The following MEI4 variants were observed in gnomAD, a reference collection of about 807,000 sequenced individuals.
The protein encoded by MEI4 is meiosis-specific protein MEI4.
A neutral mutation model predicts 31.4 loss-of-function variants in MEI4; 27 were observed. That is an observed-to-expected ratio of 0.86 (90% CI 0.63 to 1.19). MEI4 has a LOEUF of 1.19. Ranked by LOEUF, MEI4 falls within the 50% of genes most tolerant of loss-of-function variation. The pLI, the probability that MEI4 is intolerant of heterozygous loss-of-function variation, is 0.00. For missense variants in MEI4, 329 were observed against 398.9 expected, an observed-to-expected ratio of 0.82 and a Z score of 1.49; for synonymous variants, 122 against 145.4, an observed-to-expected ratio of 0.84 and a Z score of 1.16.
intron 2 of MEI4, among the ~76,000 whole-genome samples, chr6:77,748,447 A>G (rs1030236808): frequency 6.6e-6 from 1 of 152,166 alleles, no homozygotes; most frequent in Non-Finnish European, 1.5e-5. Flanking sequence ...GGCCCCTTTC[A>G]GCTACAACTG....
chr6:77,699,191 T>TTC (rs1349738726), intron 2 of MEI4, among the ~76,000 whole-genome samples: 3 of 140,016 alleles, frequency 2.1e-5, no homozygotes, highest in African/African-American at 5.4e-5. Flanking sequence ...CAAAGTTTCT[T>TTC]TTTTTTTTTT....
rs543324583 is a variant in MEI4, at chr6:77,761,569, C to T, written c.672C>T (p.Asn224=). ...GTLASLISDY[N]LSSHILKKCS... ...TAGCTAGTCTGATCAGTGACTATAA[C>T]TTATCTAGTCATATTCTTAAAAAGT... Residue 224 remains asparagine, a synonymous_variant, in exon 3 of 5, where the codon AAC becomes AAT. Coordinates refer to ENST00000684080, the MANE Select transcript of MEI4 (RefSeq NM_001322247.2). 145 of 1,231,596 alleles carry T rather than the reference C, an allele frequency of 1.2e-4. 2 individuals carry two copies. In the South Asian group the frequency reaches 5.6e-3, roughly 47 times the overall value. 76.3% of individuals were successfully genotyped at this position (1,231,596 alleles called of 1,614,324 possible).
chr6:77,856,801 C>A (rs1770756915), intron 4 of MEI4, among the ~76,000 whole-genome samples: 1 of 152,156 alleles, frequency 6.6e-6, no homozygotes, highest in African/African-American at 2.4e-5. Flanking sequence ...TCTTATCCAC[C>A]TACCTAAGCA....
At chr6:77,868,516 T>TATATATATATATATATATATATATATAC (rs375883143) in intron 4 of MEI4, among the ~76,000 whole-genome samples, 8 of 133,786 alleles carry the variant, frequency 6.0e-5, no homozygotes, top group African/African-American at 2.2e-4. Context: ...TATATATATA[T>TATATATATATATATATATATATATATAC]ATATATATAT....
chr6:77,895,669 C>T lies in MEI4; in HGVS notation c.901-27420C>T, dbSNP rs145577242. Among the ~76,000 whole-genome samples the T allele has an allele frequency of 1.4e-3, 212 of 152,190 alleles. 1 individual carries two copies. Among genetic ancestry groups the T allele is most frequent in the African/African-American group, 4.5e-3 (186 of 41,528 alleles). ...TCTCCTTAGATATATACCAGGGACT[C>T]TTATAGGTGGAGATCATGTCCTATT... On this transcript the variant is annotated intron_variant, in intron 4 of 4. Transcript: ENST00000684080.
chr6:77,744,946 C>T (rs536054688), intron 2 of MEI4, among the ~76,000 whole-genome samples: 1 of 152,232 alleles, frequency 6.6e-6, no homozygotes, highest in East Asian at 1.9e-4. Context: ...ACCATGCCTG[C>T]CCTAAAAGAG....
chr6:77,697,714 G>A (rs533592001), intron 2 of MEI4, among the ~76,000 whole-genome samples: 1 of 152,216 alleles, frequency 6.6e-6, no homozygotes, highest in East Asian at 1.9e-4. Context: ...GAACAGGTGT[G>A]GTGTGGTGCT....
At chr6:77,803,112 T>G in intron 3 of MEI4, among the ~76,000 whole-genome samples, 1 of 152,218 alleles carries the variant, frequency 6.6e-6, no homozygotes, top group Non-Finnish European at 1.5e-5. Flanking sequence ...GGTACACCAA[T>G]CAGTTGTAGA....
At chr6:77,916,198 T>C (rs1272003367) in intron 4 of MEI4, among the ~76,000 whole-genome samples, 1 of 152,098 alleles carries the variant, frequency 6.6e-6, no homozygotes, top group African/African-American at 2.4e-5. Context: ...ATCTGTGTTC[T>C]ATCTCACTGA....
intron 2 of MEI4, among the ~76,000 whole-genome samples, chr6:77,729,364 T>A (rs1305061261): frequency 2.0e-5 from 3 of 152,222 alleles, no homozygotes; most frequent in African/African-American, 7.2e-5. Flanking sequence ...AAATGGGTTA[T>A]TAAAAGATAG....
At chr6:77,746,385 G>C (rs1434895137) in intron 2 of MEI4, among the ~76,000 whole-genome samples, 1 of 152,124 alleles carries the variant, frequency 6.6e-6, no homozygotes, top group Admixed American at 6.6e-5. Context: ...GCCCTGAGTT[G>C]AAACAAAAAA....
chr6:77,831,769 T>C (rs1327768061), intron 4 of MEI4, among the ~76,000 whole-genome samples: 1 of 151,758 alleles, frequency 6.6e-6, no homozygotes, highest in Non-Finnish European at 1.5e-5. Context: ...GGAAGAGAAG[T>C]TGGTTAATGA....
intron 4 of MEI4, among the ~76,000 whole-genome samples, chr6:77,883,067 T>G (rs578118281): frequency 2.6e-4 from 39 of 152,272 alleles, no homozygotes; most frequent in African/African-American, 9.1e-4. Context: ...ATCGGTTAAG[T>G]AAATTAATTG....
chr6:77,910,443 T>C (rs1425484148), intron 4 of MEI4, among the ~76,000 whole-genome samples: 1 of 152,094 alleles, frequency 6.6e-6, no homozygotes. Flanking sequence ...ATGAGTGAAC[T>C]CTCATTCACA....
intron 4 of MEI4, among the ~76,000 whole-genome samples, chr6:77,838,811 G>A (rs962627421): frequency 6.6e-6 from 1 of 151,916 alleles, no homozygotes; most frequent in Non-Finnish European, 1.5e-5. Context: ...GCTGAGGTGG[G>A]AGAATCACTT....
chr6:77,714,558 C>T (rs537205321), intron 2 of MEI4, among the ~76,000 whole-genome samples: 2 of 152,230 alleles, frequency 1.3e-5, no homozygotes, highest in East Asian at 3.9e-4. Flanking sequence ...TAAAAAGGAG[C>T]TTCAATGAAT....
chr6:77,684,488 T>C (rs1769016296), intron 1 of MEI4, among the ~76,000 whole-genome samples: 2 of 152,000 alleles, frequency 1.3e-5, no homozygotes, highest in South Asian at 4.1e-4. Context: ...TCCCCACCTT[T>C]CCCCAGGTCC....
intron 3 of MEI4, among the ~76,000 whole-genome samples, chr6:77,791,705 C>T (rs1582147882): frequency 6.6e-6 from 1 of 151,346 alleles, no homozygotes; most frequent in Middle Eastern, 3.4e-3. Context: ...AATATCTGTA[C>T]ATTGTGGAGT....
chr6:77,917,967 G>T (rs1236103902), intron 4 of MEI4, among the ~76,000 whole-genome samples: 1 of 151,112 alleles, frequency 6.6e-6, no homozygotes, highest in African/African-American at 2.4e-5. Context: ...AAGGGATCCA[G>T]TTTCAGCTTT....
Sources: gnomAD v4.1 joint callset for allele counts (sites outside exome capture counted in the v4.1 genomes callset) on GRCh38, gnomAD v4.1.1 for gene constraint, MANE v1.5 for transcripts, NCBI Gene and HGNC (gene_info 2026-07-23, HGNC 2026-07-21) for gene names.